The following SPSB4 variants were observed in gnomAD, a reference collection of about 807,000 sequenced individuals.
SPSB4 encodes splA/ryanodine receptor domain and SOCS box containing 4.
SPSB4 carries 21 observed loss-of-function variants against 20.9 expected under a neutral mutation model. The observed-to-expected ratio is 1.01, with a 90% confidence interval of 0.71 to 1.45. The LOEUF (loss-of-function observed/expected upper bound fraction) is 1.45, where lower values mean the gene tolerates loss of function less well. SPSB4 is among the 40% of genes most tolerant of loss of function. SPSB4 has a pLI of 0.00. For missense variants in SPSB4, 399 were observed against 399.2 expected (o/e 1.00, Z 0.00); for synonymous variants, 207 against 183.8 (o/e 1.13, Z -1.02).
chr3:141,077,160 T>C (rs571727404), intron 2 of SPSB4: 1 of 152,390 alleles, frequency 6.6e-6, no homozygotes, highest in South Asian at 2.1e-4. Context: ...TGCCGCTTAA[T>C]GGCCCTTCTT....
chr3:141,081,767 G>C (rs1198965974), intron 2 of SPSB4, among the ~76,000 whole-genome samples: 1 of 152,152 alleles, frequency 6.6e-6, no homozygotes, highest in African/African-American at 2.4e-5. Context: ...GGGTGAAATG[G>C]GAAAAATAAG....
intron 2 of SPSB4, 149 bp from the exon 3 acceptor site, chr3:141,146,993 G>A: frequency 9.3e-7 from 1 of 1,069,774 alleles, no homozygotes; most frequent in East Asian, 2.5e-5. Flanking sequence ...TTCAGCTTAT[G>A]TAACCAGAGA....
chr3:141,082,638 T>C (rs1938258678), intron 2 of SPSB4, among the ~76,000 whole-genome samples: 1 of 151,964 alleles, frequency 6.6e-6, no homozygotes, highest in African/African-American at 2.4e-5. Flanking sequence ...TATCTATCTA[T>C]CTATCTATCT....
At chr3:141,137,932 T>C (rs1394180885) in intron 2 of SPSB4, among the ~76,000 whole-genome samples, 1 of 152,168 alleles carries the variant, frequency 6.6e-6, no homozygotes, top group East Asian at 1.9e-4. Flanking sequence ...CTTGTACCTC[T>C]GGTAGAATTC....
rs570039987 is a variant in SPSB4, at chr3:141,064,813, C to T, written c.-153-1139C>T. ...ATACCCAGGGCCCGTCCAAGTAGTC[C>T]GAGCTCCTTGGGTTCTGTCTGGTTT... On this transcript the variant is annotated intron_variant, in intron 1 of 2. Transcript: ENST00000310546. Among the ~76,000 whole-genome samples, 6 of 152,306 alleles carry T rather than the reference C, an allele frequency of 3.9e-5. No homozygotes were observed. In the South Asian group the frequency reaches 1.0e-3, roughly 26 times the overall value.
At position 141,139,484 on chromosome 3, in the gene SPSB4, T is replaced by C. The variant is rs1939286864; in HGVS notation, c.695-7658T>C. ...TGCAGTGGCTGGTACCAGTTGTTCCTTTCCATGTTTAGTGCTTCCTTCAGG... is the reference window on the plus strand; with the variant it reads ...TGCAGTGGCTGGTACCAGTTGTTCCCTTCCATGTTTAGTGCTTCCTTCAGG... On this transcript the variant is annotated intron_variant, in intron 2 of 2. Transcript: ENST00000310546. Among the ~76,000 whole-genome samples the C allele has an allele frequency of 2.0e-5, 3 of 152,392 alleles. No homozygotes were observed. In the South Asian group the frequency reaches 6.2e-4, roughly 32 times the overall value.
intron 2 of SPSB4, among the ~76,000 whole-genome samples, chr3:141,125,998 A>G (rs1365478221): frequency 1.3e-5 from 2 of 152,152 alleles, no homozygotes; most frequent in Non-Finnish European, 2.9e-5. Flanking sequence ...TGCCCCACGC[A>G]GACAGGTTTG....
rs556180888 is a variant in SPSB4, at chr3:141,142,279, A to G, written c.695-4863A>G. On this transcript the variant is annotated intron_variant, in intron 2 of 2. Coordinates refer to ENST00000310546, the MANE Select transcript of SPSB4 (RefSeq NM_080862.3). ...CCATTCAAAGAAATTTTACATTTCCATCTTGATTTCATTGTTGACCCAAAG... is the reference window on the plus strand; with the variant it reads ...CCATTCAAAGAAATTTTACATTTCCGTCTTGATTTCATTGTTGACCCAAAG... Among the ~76,000 whole-genome samples the G allele has an allele frequency of 6.6e-5, 10 of 152,350 alleles. 1 individual carries two copies. Among genetic ancestry groups the G allele is most frequent in the African/African-American group, 2.4e-4 (10 of 41,588 alleles).
rs146998691 is a variant in SPSB4 at position 141,110,212 on chromosome 3, T to A, written c.695-36930T>A. 1.1e-3 allele frequency among the ~76,000 whole-genome samples: 174 copies of A among 152,214 alleles called. 1 individual carries two copies. The highest frequency in any genetic ancestry group is 3.6e-3 in the African/African-American group (151 of 41,532). ...AACCTCCCACCACCTCTTCTCAGCC[T>A]CCCCATCAAAGCCAGAGTGGTAAGA... On this transcript the variant is annotated intron_variant, in intron 2 of 2. Coordinates refer to ENST00000310546, the MANE Select transcript of SPSB4 (RefSeq NM_080862.3).
intron 2 of SPSB4, among the ~76,000 whole-genome samples, chr3:141,085,280 C>A (rs1938317676): frequency 6.6e-6 from 1 of 152,126 alleles, no homozygotes; most frequent in Non-Finnish European, 1.5e-5. Context: ...TTGTTTGCAA[C>A]CAAAAATGCC....
intron 2 of SPSB4, among the ~76,000 whole-genome samples, chr3:141,079,184 C>T (rs1009231186): frequency 6.6e-6 from 1 of 151,796 alleles, no homozygotes; most frequent in Admixed American, 6.6e-5. Flanking sequence ...TGGCGTGAAC[C>T]CGGCAGGTGG....
rs150431977 is a variant in SPSB4, at chr3:141,116,010, A to G, written c.695-31132A>G. Among the ~76,000 whole-genome samples, 5 of 152,326 alleles carry G rather than the reference A, an allele frequency of 3.3e-5. No homozygotes were observed. The South Asian group carries it at 8.3e-4, about 25-fold the overall frequency. On this transcript the variant is annotated intron_variant, in intron 2 of 2. Transcript: ENST00000310546. ...CACTTGGAAAGGTCAAATAAACACA[A>G]TAAATCCATTAGAAGGCCTTCATAT...
chr3:141,070,043 G>A (rs1359890905), intron 2 of SPSB4, among the ~76,000 whole-genome samples: 4 of 152,128 alleles, frequency 2.6e-5, no homozygotes, highest in Non-Finnish European at 5.9e-5. Flanking sequence ...TTCTGCAAGT[G>A]GAATTGTTTT....
chr3:141,066,407 G>T lies in SPSB4; in HGVS notation c.303G>T (p.Gln101His), dbSNP rs766631402. 32 of 1,534,308 alleles carry T rather than the reference G, an allele frequency of 2.1e-5. No homozygotes were observed. The South Asian group carries it at 3.9e-4, about 19-fold the overall frequency. Residue 101 changes from glutamine (Q) to histidine (H), a missense_variant, in exon 2 of 3, where the codon CAG becomes CAT. Physicochemically the swap from Gln to His is conservative, Grantham distance 24 (BLOSUM62 0). Transcript: ENST00000310546. ...VGHARGLHAW[Q>H]INWPARQRGT... ...ACGCCCGCGGCCTGCACGCCTGGCA[G>T]ATCAACTGGCCGGCTCGGCAGCGCG... is the stretch of plus-strand genomic sequence containing the variant.
In SPSB4 at chr3:141,066,730, T is replaced by C. The variant is rs1057328736; in HGVS notation, c.626T>C (p.Leu209Pro). Residue 209 changes from leucine (L) to proline (P), a missense_variant, in exon 2 of 3, where the codon CTG becomes CCG. Physicochemically the swap from Leu to Pro is moderately conservative, Grantham distance 98 (BLOSUM62 -3). Transcript: ENST00000310546. ...TTCCGAGGTCTCAAGGGCAAGAAGC[T>C]GTACCCGGTGGTGAGTGCCGTGTGG... ...VAFRGLKGKKLYPVVSAVWGH... is the reference protein window; with the variant it reads ...VAFRGLKGKKPYPVVSAVWGH... 2 of 1,607,340 alleles carry C rather than the reference T, an allele frequency of 1.2e-6. No homozygotes were observed. Among genetic ancestry groups the C allele is most frequent in the African/African-American group, 2.7e-5 (2 of 74,732 alleles).
At chr3:141,113,210 T>C (rs1938831127) in intron 2 of SPSB4, among the ~76,000 whole-genome samples, 1 of 152,208 alleles carries the variant, frequency 6.6e-6, no homozygotes, top group Non-Finnish European at 1.5e-5. Context: ...ATGCAGCTGC[T>C]GTGGAAAACA....
intron 2 of SPSB4, among the ~76,000 whole-genome samples, chr3:141,142,557 C>T (rs1336309896): frequency 1.3e-5 from 2 of 151,996 alleles, no homozygotes; most frequent in African/African-American, 2.4e-5. Flanking sequence ...TTGTTAAGTC[C>T]ATTTGTTCTA....
In SPSB4 at chr3:141,077,246, G is replaced by A. The variant is rs190342256; in HGVS notation, c.694+10448G>A. ...ATGAAATTAAGCCGAGACAGCGTGA[G>A]CTTGGAAAATACTGCCGTGCAGGCT... On this transcript the variant is annotated intron_variant, in intron 2 of 2. Coordinates refer to ENST00000310546, the MANE Select transcript of SPSB4 (RefSeq NM_080862.3). The A allele has an allele frequency of 2.6e-5, 4 of 152,340 alleles. No individual in the cohort carries two copies. In the East Asian group the frequency reaches 7.7e-4, roughly 29 times the overall value. 9.4% of individuals were successfully genotyped at this position (152,340 alleles called of 1,614,324 possible).
chr3:141,109,302 G>A (rs1938755693), intron 2 of SPSB4, among the ~76,000 whole-genome samples: 2 of 151,892 alleles, frequency 1.3e-5, no homozygotes, highest in South Asian at 4.2e-4. Context: ...TGGAGCTTCC[G>A]CCTTCTCCTT....
Sources: gnomAD v4.1 joint callset for allele counts (sites outside exome capture counted in the v4.1 genomes callset) on GRCh38, gnomAD v4.1.1 for gene constraint, MANE v1.5 for transcripts, NCBI Gene and HGNC (gene_info 2026-07-23, HGNC 2026-07-21) for gene names.